Variants in C1orf105 observed in about 807,000 individuals in gnomAD.
C1orf105 encodes the protein uncharacterized protein C1orf105.
In C1orf105, 17 loss-of-function variants were observed where a neutral mutation model predicts 20.8. That is an observed-to-expected ratio of 0.82 (90% CI 0.56 to 1.23). C1orf105 has a LOEUF of 1.23. C1orf105 is among the 50% of genes most tolerant of loss of function. C1orf105 has a pLI of 0.00. For missense variants in C1orf105, 219 were observed against 213.5 expected, an observed-to-expected ratio of 1.03 and a Z score of -0.16; for synonymous variants, 72 against 72.1, an observed-to-expected ratio of 1.00 and a Z score of 0.01.
At chr1:172,427,537 T>G (rs960466728) in intron 1 of C1orf105, among the ~76,000 whole-genome samples, 9 of 152,216 alleles carry the variant, frequency 5.9e-5, no homozygotes, top group African/African-American at 1.9e-4. Flanking sequence ...TTCTCTTCTA[T>G]TTTCTCTTAA....
At chr1:172,431,599 G>A (rs1197244917) in intron 1 of C1orf105, among the ~76,000 whole-genome samples, 1 of 152,230 alleles carries the variant, frequency 6.6e-6, no homozygotes. Context: ...ATCTAGCTAA[G>A]AACATTGATG....
At chr1:172,458,735 G>A (rs1304587191) in intron 4 of C1orf105, among the ~76,000 whole-genome samples, 1 of 152,128 alleles carries the variant, frequency 6.6e-6, no homozygotes, top group Non-Finnish European at 1.5e-5. Flanking sequence ...ATCCAGGATA[G>A]CCAAACAATC....
At chr1:172,444,313 G>T (rs987220979) in intron 1 of C1orf105, 23 of 985,262 alleles carry the variant, frequency 2.3e-5, no homozygotes, top group Non-Finnish European at 2.8e-5. Flanking sequence ...AAGGAAAGAG[G>T]CTGGGCCAGT....
chr1:172,428,779 C>G, intron 1 of C1orf105: 1 of 697,578 alleles, frequency 1.4e-6, no homozygotes, highest in Non-Finnish European at 2.6e-6. Context: ...GAACCTTTGT[C>G]CTTTTTATTT....
chr1:172,425,325 C>T (rs1241850818), intron 1 of C1orf105, among the ~76,000 whole-genome samples: 2 of 152,190 alleles, frequency 1.3e-5, no homozygotes, highest in African/African-American at 4.8e-5. Flanking sequence ...CTGACTACCC[C>T]ACCTCTGGGG....
intron 1 of C1orf105, chr1:172,442,569 C>A: frequency 1.2e-6 from 2 of 1,614,092 alleles, no homozygotes; most frequent in Non-Finnish European, 1.7e-6. Flanking sequence ...GTCGCTCATA[C>A]AAGACCTTCT....
chr1:172,422,685 G>C (rs1237586657), intron 1 of C1orf105, among the ~76,000 whole-genome samples: 1 of 151,758 alleles, frequency 6.6e-6, no homozygotes, highest in Non-Finnish European at 1.5e-5. Context: ...CAGCTCTTTG[G>C]GTCCCTGATT....
chr1:172,434,196 G>A (rs1002341372), intron 1 of C1orf105, among the ~76,000 whole-genome samples: 1 of 152,128 alleles, frequency 6.6e-6, no homozygotes, highest in African/African-American at 2.4e-5. Flanking sequence ...ACAGATTAAC[G>A]AGACAAAATG....
intron 1 of C1orf105, among the ~76,000 whole-genome samples, chr1:172,439,645 C>T (rs1466007334): frequency 6.6e-6 from 1 of 152,118 alleles, no homozygotes; most frequent in Non-Finnish European, 1.5e-5. Context: ...ATTGTCATCC[C>T]ACCAAGAAAC....
intron 6 of C1orf105, among the ~76,000 whole-genome samples, chr1:172,466,183 G>A (rs903685768): frequency 2.6e-5 from 4 of 152,308 alleles, no homozygotes; most frequent in Admixed American, 1.3e-4. Context: ...GGAAATTTGA[G>A]GATTGAAGGG....
intron 4 of C1orf105, among the ~76,000 whole-genome samples, chr1:172,461,888 G>A (rs1235666390): frequency 6.6e-6 from 1 of 152,150 alleles, no homozygotes; most frequent in African/African-American, 2.4e-5. Context: ...GTGATAAAAT[G>A]ACAGTTAACC....
chr1:172,424,997 G>A (rs189961638), intron 1 of C1orf105, among the ~76,000 whole-genome samples: 7 of 152,320 alleles, frequency 4.6e-5, no homozygotes, highest in Non-Finnish European at 8.8e-5. Flanking sequence ...CTCCTCTTGA[G>A]CCAGGTTTCG....
intron 6 of C1orf105, chr1:172,465,583 T>C (rs1649990759): frequency 1.5e-6 from 1 of 662,264 alleles, no homozygotes. Flanking sequence ...CACTTGCCCT[T>C]ATACATGTCA....
At chr1:172,453,326 A>G (rs1229479075) in intron 3 of C1orf105, 2 of 1,135,172 alleles carry the variant, frequency 1.8e-6, no homozygotes, top group African/African-American at 3.1e-5. Flanking sequence ...TGGAGAGTTT[A>G]TATGATTGAC....
At chr1:172,443,962 C>G (rs1475823136) in intron 1 of C1orf105, 2 of 999,834 alleles carry the variant, frequency 2.0e-6, no homozygotes, top group Non-Finnish European at 2.4e-6. Context: ...CCCGGAAACA[C>G]TGACCGTTAC....
intron 1 of C1orf105, among the ~76,000 whole-genome samples, chr1:172,429,687 G>A (rs1040765024): frequency 6.6e-6 from 1 of 152,100 alleles, no homozygotes; most frequent in African/African-American, 2.4e-5. Flanking sequence ...ATGTAACCCA[G>A]CTGCCCAAAG....
At chr1:172,434,269 A>G (rs1453404587) in intron 1 of C1orf105, among the ~76,000 whole-genome samples, 14 of 152,116 alleles carry the variant, frequency 9.2e-5, no homozygotes, top group Admixed American at 5.2e-4. Context: ...GACATCTACA[A>G]AACTCTCCAC....
At chr1:172,445,951 G>A (rs1038171687) in intron 2 of C1orf105, among the ~76,000 whole-genome samples, 2 of 152,084 alleles carry the variant, frequency 1.3e-5, no homozygotes, top group Non-Finnish European at 2.9e-5. Flanking sequence ...CCCAAAAAGA[G>A]TTTCTCCTCC....
chr1:172,453,388 C>T (rs536198332), intron 3 of C1orf105, among the ~76,000 whole-genome samples: 1 of 152,304 alleles, frequency 6.6e-6, no homozygotes, highest in African/African-American at 2.4e-5. Flanking sequence ...GCTTTTTGGG[C>T]GTCTAGCCAG....
Sources: allele counts gnomAD v4.1 joint callset (sites outside exome capture counted in the v4.1 genomes callset), GRCh38; gene constraint gnomAD v4.1.1; transcripts MANE v1.5; gene names NCBI Gene and HGNC (gene_info 2026-07-23, HGNC 2026-07-21).